FGF12: variants seen among roughly 807,000 people sequenced by gnomAD.
FGF12 encodes fibroblast growth factor 12B.
A neutral mutation model predicts 23.6 loss-of-function variants in FGF12; 14 were observed. The ratio of observed to expected loss-of-function variants is 0.59; its 90% CI spans 0.39 to 0.93. FGF12 has a LOEUF of 0.93. Among genes scored for constraint, FGF12 ranks in the 40% least tolerant of loss-of-function variants. The pLI is 0.00. For missense variants in FGF12, 175 were observed against 217.8 expected (o/e 0.80, Z 1.24); for synonymous variants, 62 against 77.3 (o/e 0.80, Z 1.04).
chr3:192,397,086 G>T (rs1023868106), intron 2 of FGF12, among the ~76,000 whole-genome samples: 3 of 152,174 alleles, frequency 2.0e-5, no homozygotes, highest in Non-Finnish European at 4.4e-5. Flanking sequence ...AGGGAGTTTT[G>T]TGGCAATACC....
intron 4 of FGF12, chr3:192,238,804 C>T (rs1719443447): frequency 6.6e-6 from 1 of 152,204 alleles, no homozygotes; most frequent in South Asian, 2.1e-4. Flanking sequence ...GGTCATTCCA[C>T]ATGTAATCCT....
intron 2 of FGF12, among the ~76,000 whole-genome samples, chr3:192,376,285 A>C (rs1719494338): frequency 6.6e-6 from 1 of 151,704 alleles, no homozygotes; most frequent in Non-Finnish European, 1.5e-5. Context: ...ATTTTTGAAC[A>C]CACACATAAA....
At chr3:192,493,352 ACTT>A (rs1461951788) in intron 2 of FGF12, among the ~76,000 whole-genome samples, 2 of 152,122 alleles carry the variant, frequency 1.3e-5, no homozygotes, top group African/African-American at 2.4e-5. Context: ...TGTCAAATGG[ACTT>A]CTTCTTAACT....
intron 4 of FGF12, among the ~76,000 whole-genome samples, chr3:192,211,705 G>A (rs1717940771): frequency 6.6e-6 from 1 of 152,028 alleles, no homozygotes; most frequent in African/African-American, 2.4e-5. Context: ...GGGATTACAG[G>A]TGTGAGCCAC....
chr3:192,237,887 C>G (rs556503826), intron 4 of FGF12: 1 of 152,222 alleles, frequency 6.6e-6, no homozygotes, highest in Non-Finnish European at 1.5e-5. Flanking sequence ...GTCATTTAGA[C>G]TCAAGAAGAC....
chr3:192,426,384 AT>A (rs1378376164), intron 2 of FGF12, among the ~76,000 whole-genome samples: 1 of 152,246 alleles, frequency 6.6e-6, no homozygotes, highest in Non-Finnish European at 1.5e-5. Context: ...AGAGGGAAAA[AT>A]ATCACATCCT....
chr3:192,709,427 A>G (rs6780077), intron 2 of FGF12, among the ~76,000 whole-genome samples: 9,933 of 152,268 alleles, frequency 0.065, 603 homozygotes, highest in East Asian at 0.19. Context: ...CAGTATGTCC[A>G]GATCTCTGAG....
intron 1 of FGF12, 28 bp downstream of exon 1, chr3:192,727,456 G>T (rs1252476896): frequency 1.1e-6 from 1 of 886,438 alleles, no homozygotes; most frequent in Non-Finnish European, 1.6e-6. Context: ...CACAGTGCCC[G>T]CTCAGATTTT....
intron 2 of FGF12, among the ~76,000 whole-genome samples, chr3:192,558,461 G>A (rs1394557770): frequency 6.6e-6 from 1 of 151,790 alleles, no homozygotes; most frequent in Non-Finnish European, 1.5e-5. Context: ...GACATCCCAT[G>A]TTCACAGATT....
chr3:192,172,573 G>T (rs926248318), intron 4 of FGF12, among the ~76,000 whole-genome samples: 3 of 150,792 alleles, frequency 2.0e-5, no homozygotes, highest in African/African-American at 7.3e-5. Context: ...AAGAATCAAA[G>T]AAACAAATGA....
intron 3 of FGF12, among the ~76,000 whole-genome samples, chr3:192,354,950 T>C (rs1577382336): frequency 6.6e-6 from 1 of 152,200 alleles, no homozygotes; most frequent in African/African-American, 2.4e-5. Context: ...TGTCAGGTGA[T>C]CCACCCACCT....
chr3:192,278,536 A>C (rs1713941271), intron 4 of FGF12, among the ~76,000 whole-genome samples: 2 of 152,232 alleles, frequency 1.3e-5, no homozygotes, highest in Non-Finnish European at 2.9e-5. Flanking sequence ...GTCAAGACAG[A>C]GGAGAATGAG....
At chr3:192,460,381 G>A (rs1326484142) in intron 2 of FGF12, among the ~76,000 whole-genome samples, 1 of 152,134 alleles carries the variant, frequency 6.6e-6, no homozygotes, top group Non-Finnish European at 1.5e-5. Flanking sequence ...CTCTGTCTGA[G>A]CTTTGCCCAC....
At chr3:192,595,470 C>A (rs542202008) in intron 2 of FGF12, among the ~76,000 whole-genome samples, 2 of 152,250 alleles carry the variant, frequency 1.3e-5, no homozygotes, top group South Asian at 2.1e-4. Flanking sequence ...GAGTTCTTAA[C>A]GTCTGACTTA....
intron 2 of FGF12, among the ~76,000 whole-genome samples, chr3:192,591,029 T>C (rs1713600168): frequency 6.6e-6 from 1 of 151,508 alleles, no homozygotes; most frequent in African/African-American, 2.4e-5. Context: ...CTTGCCTTCC[T>C]CAGTCCAATC....
At chr3:192,621,554 T>C (rs920934201) in intron 2 of FGF12, among the ~76,000 whole-genome samples, 2 of 152,066 alleles carry the variant, frequency 1.3e-5, no homozygotes, top group Non-Finnish European at 2.9e-5. Flanking sequence ...AGAGTAGAGA[T>C]AATATAGACG....
intron 3 of FGF12, among the ~76,000 whole-genome samples, chr3:192,349,610 A>G (rs527780745): frequency 6.6e-6 from 1 of 152,182 alleles, no homozygotes; most frequent in Non-Finnish European, 1.5e-5. Flanking sequence ...ATATTCATGT[A>G]ACACTTTGAG....
chr3:192,453,521 C>T (rs538672252), intron 2 of FGF12, among the ~76,000 whole-genome samples: 3 of 152,254 alleles, frequency 2.0e-5, no homozygotes, highest in South Asian at 2.1e-4. Context: ...AATATCTTTA[C>T]ATTCTGAGGA....
intron 2 of FGF12, among the ~76,000 whole-genome samples, chr3:192,517,358 G>T (rs1724698670): frequency 6.6e-6 from 1 of 152,222 alleles, no homozygotes; most frequent in East Asian, 1.9e-4. Context: ...GTCTAATACA[G>T]TGGCTCTGTT....
Sources: allele counts gnomAD v4.1 joint callset (sites outside exome capture counted in the v4.1 genomes callset), GRCh38; gene constraint gnomAD v4.1.1; transcripts MANE v1.5; gene names NCBI Gene and HGNC (gene_info 2026-07-23, HGNC 2026-07-21).